Variants in FBN2 observed in about 807,000 individuals in gnomAD.
The protein encoded by FBN2 is fibrillin-2.
FBN2 carries 105 observed loss-of-function variants against 355.6 expected under a neutral mutation model. The observed-to-expected ratio is 0.30, with a 90% CI of 0.25 to 0.35. The LOEUF (loss-of-function observed/expected upper bound fraction) is 0.35. FBN2 is among the 10% of genes least tolerant of loss of function. FBN2 has a pLI of 1.00. For synonymous variants in FBN2, 1,350 were observed against 1,301.2 expected (o/e 1.04, Z -0.81); for missense variants, 3,280 against 3,758.7 (o/e 0.87, Z 3.33).
chr5:128,343,792 A>G (rs1190846269), intron 25 of FBN2, among the ~76,000 whole-genome samples: 1 of 152,212 alleles, frequency 6.6e-6, no homozygotes, highest in African/African-American at 2.4e-5. Context: ...TAATGACTGT[A>G]TTTCTTTAGT....
intron 5 of FBN2, among the ~76,000 whole-genome samples, chr5:128,490,593 C>T (rs1316834177): frequency 6.6e-6 from 1 of 152,174 alleles, no homozygotes; most frequent in African/African-American, 2.4e-5. Context: ...TAAGTGATTA[C>T]ACAGGTTTAT....
rs548099914 is a variant in FBN2, at chr5:128,380,250, C to G, written c.1604-1360G>C. On this transcript the variant is annotated intron_variant, in intron 11 of 64. Coordinates refer to ENST00000262464, the MANE Select transcript of FBN2 (RefSeq NM_001999.4). ...AAGCATATAAAGTATAATAAATAGA[C>G]TTTCCAATATGAAATACCACCTTCA... Among the ~76,000 whole-genome samples the G allele has an allele frequency of 4.6e-5, 7 of 152,166 alleles. No homozygotes were observed. In the South Asian group the frequency reaches 1.5e-3, roughly 32 times the overall value.
At position 128,311,894 on chromosome 5, in the gene FBN2, T is replaced by C. The variant is rs1750067693; in HGVS notation, c.4939A>G (p.Ile1647Val). Residue 1647 changes from isoleucine to valine, a missense_variant, in exon 38 of 65, where the codon ATT becomes GTT. Coordinates refer to ENST00000262464, the MANE Select transcript of FBN2 (RefSeq NM_001999.4). ...EGFRPNPITI[I>V]LEDIDECQEL... ...AATGGGATTAGCTCACCTTCTAAAA[T>C]GATTGTGATGGGGTTAGGTCTGAAG... 3.7e-6 allele frequency: 6 copies of C among 1,608,094 alleles called. No homozygotes were observed. Among genetic ancestry groups the C allele is most frequent in the Non-Finnish European group, 4.3e-6 (5 of 1,174,588 alleles).
intron 5 of FBN2, among the ~76,000 whole-genome samples, chr5:128,466,515 A>C (rs1259062742): frequency 6.6e-6 from 1 of 152,246 alleles, no homozygotes; most frequent in African/African-American, 2.4e-5. Context: ...AGGAAGCCTT[A>C]GATATCATAT....
rs1276289218 is a variant in FBN2 at position 128,305,450 on chromosome 5, T to C, written c.5674+61A>G. 6 of 1,593,754 alleles carry C rather than the reference T, an allele frequency of 3.8e-6. No homozygotes were observed. In the East Asian group the frequency reaches 1.3e-4, roughly 36 times the overall value. ...CCCAAATTATTCTTGAAGTATTTTT[T>C]GATAGGAAATCTAAGGAATCTTGTG... is the stretch of plus-strand genomic sequence containing the variant. On this transcript the variant is annotated intron_variant, in intron 44 of 64. Coordinates refer to ENST00000262464, the MANE Select transcript of FBN2 (RefSeq NM_001999.4).
intron 11 of FBN2, among the ~76,000 whole-genome samples, chr5:128,382,176 A>C (rs1752249852): frequency 6.6e-6 from 1 of 152,072 alleles, no homozygotes; most frequent in African/African-American, 2.4e-5. Flanking sequence ...ACCACTCTTC[A>C]AAGTTAATAA....
chr5:128,414,916 G>A (rs140832222), intron 7 of FBN2, among the ~76,000 whole-genome samples: 72 of 152,060 alleles, frequency 4.7e-4, no homozygotes, highest in Admixed American at 1.8e-3. Context: ...TGCCGTTTGC[G>A]TATTGTCTTT....
At chr5:128,430,347 T>A (rs1419042493) in intron 7 of FBN2, among the ~76,000 whole-genome samples, 4 of 152,186 alleles carry the variant, frequency 2.6e-5, no homozygotes, top group African/African-American at 9.7e-5. Context: ...ATTGTACATT[T>A]ATTGTTCTAT....
At chr5:128,516,833 A>G (rs537583249) in intron 5 of FBN2, among the ~76,000 whole-genome samples, 1 of 152,306 alleles carries the variant, frequency 6.6e-6, no homozygotes, top group East Asian at 1.9e-4. Flanking sequence ...GAAAAAAATT[A>G]TGAACTTCAT....
chr5:128,444,396 C>A (rs1050351920), intron 7 of FBN2, among the ~76,000 whole-genome samples: 4 of 152,100 alleles, frequency 2.6e-5, no homozygotes, highest in Non-Finnish European at 5.9e-5. Context: ...TATAAAGAAA[C>A]AATATTACCC....
At chr5:128,455,762 G>C (rs1754365610) in intron 6 of FBN2, among the ~76,000 whole-genome samples, 1 of 151,842 alleles carries the variant, frequency 6.6e-6, no homozygotes. Context: ...ACCCAGCCTA[G>C]TAAACTGTTT....
intron 7 of FBN2, among the ~76,000 whole-genome samples, chr5:128,418,872 T>C (rs1753272853): frequency 6.6e-6 from 1 of 152,170 alleles, no homozygotes. Flanking sequence ...AGTTCTTCAA[T>C]TTCTGCAAAA....
chr5:128,311,167 G>GAAA, intron 39 of FBN2, 133 bp downstream of exon 39: 4 of 724,928 alleles, frequency 5.5e-6, no homozygotes, highest in Non-Finnish European at 8.8e-6. Flanking sequence ...ACATTGATAT[G>GAAA]AAAAAAAAAA....
chr5:128,444,565 T>C (rs1754016877), intron 7 of FBN2, among the ~76,000 whole-genome samples: 2 of 152,234 alleles, frequency 1.3e-5, no homozygotes, highest in South Asian at 4.1e-4. Flanking sequence ...CACATAATTA[T>C]TTCTGGGCAA....
In FBN2 at chr5:128,272,054, GTAGCCACCCAGGA is replaced by G; in HGVS notation, c.7892_7904del (p.Ile2631ThrfsTer62). On this transcript the variant is annotated frameshift_variant, in exon 62 of 65. Transcript: ENST00000262464. LOFTEE classifies it high-confidence loss of function. ...TGTAGCCTTGGGGGCAGCCACATCT[GTAGCCACCCAGGA>G]TGTTCTGGCAGCCGTGTTGGCACCT... 6.2e-7 allele frequency: 1 copy of G among 1,614,044 alleles called. No individual in the cohort carries two copies. The highest frequency in any genetic ancestry group is 2.2e-5 in the East Asian group (1 of 44,868).
In FBN2 at chr5:128,464,790, A is replaced by G; in HGVS notation, c.760T>C (p.Cys254Arg). The G allele has an allele frequency of 6.2e-7, 1 of 1,614,220 alleles. No homozygotes were observed. Among genetic ancestry groups the G allele is most frequent in the Non-Finnish European group, 8.5e-7 (1 of 1,180,042 alleles). Residue 254 changes from cysteine to arginine, a missense_variant, in exon 6 of 65, where the codon TGT becomes CGT. By Grantham distance (180) the Cys-to-Arg change is radical. This residue lies in a region of FBN2 where 343 missense variants were observed against 331.0 expected (regional missense o/e 1.04). Transcript: ENST00000262464. Reference protein sequence around the residue: ...GRAWGHPCEMCPAQPQPCRRG... With the variant: ...GRAWGHPCEMRPAQPQPCRRG... ...CGGCAGGGCTGAGGCTGGGCTGGACACATCTCACAGGGATGGCCCCACGCC... is the reference window on the plus strand; with the variant it reads ...CGGCAGGGCTGAGGCTGGGCTGGACGCATCTCACAGGGATGGCCCCACGCC...
chr5:128,537,586 C>A lies in FBN2; in HGVS notation c.18G>T (p.Arg6Ser). ...ACAGGAAGTAGAGCTGGAGACACAG[C>A]CTCCGTCTTCTCCCCATCGCCGGCG... MGRRR[R>S]LCLQLYFLWL... The change falls in exon 1 of 65, where the codon AGG becomes AGT. Residue 6 changes from arginine (R) to serine (S), a missense_variant. By Grantham distance (110) the Arg-to-Ser change is moderately radical (BLOSUM62 -1). This residue lies in a region of FBN2 where 203 missense variants were observed against 142.2 expected (regional missense o/e 1.43). Transcript: ENST00000262464. 1 of 1,607,522 alleles carries A rather than the reference C, an allele frequency of 6.2e-7. No individual in the cohort carries two copies. The highest frequency in any genetic ancestry group is 8.5e-7 in the Non-Finnish European group (1 of 1,178,324).
chr5:128,369,032 T>C lies in FBN2; in HGVS notation c.2248+150A>G. ...AAACACAAGCCAAATCTCCTTATTA[T>C]ATGCCTCACATATCAATACAGGATT... On this transcript the variant is annotated intron_variant, in intron 16 of 64. Coordinates refer to ENST00000262464, the MANE Select transcript of FBN2 (RefSeq NM_001999.4). 4 of 768,414 alleles carry C rather than the reference T, an allele frequency of 5.2e-6. 1 individual carries two copies. Among genetic ancestry groups the C allele is most frequent in the Non-Finnish European group, 4.4e-6 (2 of 451,968 alleles). 47.6% of individuals were successfully genotyped at this position (768,414 alleles called of 1,614,324 possible).
At chr5:128,534,342 T>C (rs896641781) in intron 2 of FBN2, among the ~76,000 whole-genome samples, 3 of 152,198 alleles carry the variant, frequency 2.0e-5, no homozygotes, top group African/African-American at 4.8e-5. Flanking sequence ...TACCTCTACA[T>C]ATGATCATTT....
Sources: gnomAD v4.1 joint callset for allele counts (sites outside exome capture counted in the v4.1 genomes callset) on GRCh38, gnomAD v4.1.1 for gene constraint, gnomAD v4.1.1 regional missense constraint, MANE v1.5 for transcripts, NCBI Gene and HGNC (gene_info 2026-07-23, HGNC 2026-07-21) for gene names.